The following ANLN variants were observed in gnomAD, a reference collection of about 807,000 sequenced individuals.
The protein encoded by ANLN is anillin, actin binding protein, also known as anillin.
Under a neutral mutation model 135.1 loss-of-function variants are expected in ANLN, and 59 were observed. The ratio of observed to expected loss-of-function variants is 0.44; its 90% CI spans 0.35 to 0.54. The LOEUF is 0.54. Ranked by LOEUF, ANLN falls within the 20% of genes least tolerant of loss-of-function variation. The probability of loss-of-function intolerance (pLI) is 0.00; values close to 1 mark genes in which losing one functional copy is unlikely to be tolerated. For synonymous variants in ANLN, 406 were observed against 456.4 expected, an observed-to-expected ratio of 0.89 and a Z score of 1.41; for missense variants, 1,182 against 1,340.0, an observed-to-expected ratio of 0.88 and a Z score of 1.84.
chr7:36,426,486 A>G (rs1034780539), intron 19 of ANLN, among the ~76,000 whole-genome samples: 7 of 151,828 alleles, frequency 4.6e-5, no homozygotes, highest in Admixed American at 3.9e-4. Flanking sequence ...ATCTTTTTCC[A>G]AAAGGAATTA....
chr7:36,438,651 C>T (rs575242998), intron 20 of ANLN, among the ~76,000 whole-genome samples: 12 of 152,248 alleles, frequency 7.9e-5, no homozygotes, highest in East Asian at 5.8e-4. Context: ...GGATTACAGG[C>T]GTGAACTACC....
Position 36,404,154 on chromosome 7 carries a change from G to A in ANLN, c.488-2027G>A, listed in dbSNP as rs111987788. On this transcript the variant is annotated intron_variant, in intron 3 of 23. Transcript: ENST00000265748. ...CCCGGCTAATCTTTGTATTTTAGTA[G>A]AGACAGGGTTTCACCATGTCACTTA... Among the ~76,000 whole-genome samples, 911 of 151,850 alleles carry A rather than the reference G, an allele frequency of 6.0e-3. 4 individuals are homozygous for A. Among genetic ancestry groups the A allele is most frequent in the Non-Finnish European group, 0.011 (764 of 67,954 alleles).
At chr7:36,404,275 T>C (rs1787096093) in intron 3 of ANLN, among the ~76,000 whole-genome samples, 1 of 152,180 alleles carries the variant, frequency 6.6e-6, no homozygotes, top group African/African-American at 2.4e-5. Flanking sequence ...CTTGCCAGTA[T>C]GTTTATTTCT....
intron 20 of ANLN, among the ~76,000 whole-genome samples, chr7:36,434,059 C>T (rs1168900526): frequency 6.6e-6 from 1 of 152,044 alleles, no homozygotes; most frequent in Non-Finnish European, 1.5e-5. Context: ...CCTACTTTTT[C>T]ACATGTCTTG....
At chr7:36,424,479 G>A (rs1460212427) in intron 15 of ANLN, 66 bp from the exon 16 acceptor site, 4 of 1,272,698 alleles carry the variant, frequency 3.1e-6, no homozygotes, top group Non-Finnish European at 4.4e-6. Flanking sequence ...AGTATTTGTA[G>A]CATCATTTTT....
intron 20 of ANLN, among the ~76,000 whole-genome samples, chr7:36,428,724 T>G (rs2116707149): frequency 6.6e-6 from 1 of 152,112 alleles, no homozygotes; most frequent in South Asian, 2.1e-4. Flanking sequence ...TTATTCAATA[T>G]TTTTGACCTG....
intron 7 of ANLN, among the ~76,000 whole-genome samples, chr7:36,413,056 G>T (rs893789529): frequency 6.6e-6 from 1 of 151,844 alleles, no homozygotes; most frequent in Non-Finnish European, 1.5e-5. Flanking sequence ...ACTGCCTATG[G>T]GAGTCTTCTC....
rs540521762 is a variant in ANLN, at chr7:36,432,088, G to A, written c.2883+5060G>A. On this transcript the variant is annotated intron_variant, in intron 20 of 23. Coordinates refer to ENST00000265748, the MANE Select transcript of ANLN (RefSeq NM_018685.5). ...TAAAAAAATATTAGCTGGGTGTGGTGGTACACACCTGTAGCCCTAGCTATT... is the reference window on the plus strand; with the variant it reads ...TAAAAAAATATTAGCTGGGTGTGGTAGTACACACCTGTAGCCCTAGCTATT... Among the ~76,000 whole-genome samples, 205 of 152,204 alleles carry A rather than the reference G, an allele frequency of 1.3e-3. 1 individual carries two copies. The highest frequency in any genetic ancestry group is 4.6e-3 in the African/African-American group (192 of 41,538).
At chr7:36,407,123 T>C (rs1025856035) in intron 4 of ANLN, among the ~76,000 whole-genome samples, 2 of 152,198 alleles carry the variant, frequency 1.3e-5, no homozygotes, top group African/African-American at 4.8e-5. Context: ...CTGACCATTG[T>C]CTTTTAGTGT....
intron 23 of ANLN, among the ~76,000 whole-genome samples, chr7:36,450,935 C>T (rs1583667700): frequency 6.6e-6 from 1 of 152,134 alleles, no homozygotes; most frequent in South Asian, 2.1e-4. Context: ...CGTAGACCTT[C>T]CCCTGTGATA....
intron 4 of ANLN, 129 bp downstream of exon 4, chr7:36,406,695 A>G: frequency 2.2e-6 from 2 of 910,356 alleles, no homozygotes; most frequent in East Asian, 2.8e-5. Context: ...GTGAGTTTAT[A>G]TGTATTTGTA....
intron 15 of ANLN, 67 bp downstream of exon 15, chr7:36,424,010 G>A: frequency 1.4e-6 from 2 of 1,478,164 alleles, no homozygotes; most frequent in Non-Finnish European, 9.1e-7. Flanking sequence ...ACAGTCTAAA[G>A]CATTCAGGTG....
At chr7:36,442,786 C>T (rs571599978) in intron 21 of ANLN, among the ~76,000 whole-genome samples, 1 of 152,114 alleles carries the variant, frequency 6.6e-6, no homozygotes, top group South Asian at 2.1e-4. Context: ...TGCTCACCGC[C>T]ACGCCTGGCT....
At chr7:36,426,384 T>C (rs1788078363) in intron 19 of ANLN, among the ~76,000 whole-genome samples, 1 of 152,212 alleles carries the variant, frequency 6.6e-6, no homozygotes, top group South Asian at 2.1e-4. Flanking sequence ...ATAACTGGCG[T>C]TGTATCATGT....
chr7:36,417,208 AT>A lies in ANLN; in HGVS notation c.1633+21del. Reference sequence around the variant, plus strand: ...GAAAATTGGTTGGTTTTTATTCTTTATTTATTATTAACTTTGCACATACTAT... The same window carrying A: ...GAAAATTGGTTGGTTTTTATTCTTTATTATTATTAACTTTGCACATACTAT... On this transcript the variant is annotated intron_variant, in intron 9 of 23. Transcript: ENST00000265748. The A allele has an allele frequency of 7.2e-7, 1 of 1,388,902 alleles. No homozygotes were observed. Among genetic ancestry groups the A allele is most frequent in the Non-Finnish European group, 1.0e-6 (1 of 993,800 alleles). 86.0% of individuals were successfully genotyped at this position (1,388,902 alleles called of 1,614,324 possible).
intron 1 of ANLN, among the ~76,000 whole-genome samples, chr7:36,392,707 G>A (rs541972697): frequency 2.0e-4 from 31 of 151,724 alleles, no homozygotes; most frequent in Non-Finnish European, 3.4e-4. Flanking sequence ...GGTGTTTATA[G>A]CTTTACTTCA....
chr7:36,415,815 T>C lies in ANLN; in HGVS notation c.1453T>C (p.Ser485Pro). 1.2e-6 allele frequency: 2 copies of C among 1,610,582 alleles called. No homozygotes were observed. Among genetic ancestry groups the C allele is most frequent in the South Asian group, 2.2e-5 (2 of 90,298 alleles). Residue 485 changes from serine (S) to proline (P), a missense_variant, in exon 8 of 24, where the codon TCA becomes CCA. Coordinates refer to ENST00000265748, the MANE Select transcript of ANLN (RefSeq NM_018685.5). ...ACACCAAGGTGTTTCAAAAACTCAG[T>C]CACTTCCAGTAACAGAAAAGGTGAC... The part of the protein sequence containing the change: ...KKHQGVSKTQ[S>P]LPVTEKVTEN...
At chr7:36,448,991 C>T (rs1454487363) in intron 22 of ANLN, 1 of 152,188 alleles carries the variant, frequency 6.6e-6, no homozygotes, top group African/African-American at 2.4e-5. Context: ...AACCAATCAA[C>T]AGAGGTTGTT....
intron 1 of ANLN, among the ~76,000 whole-genome samples, chr7:36,394,988 A>T (rs1327157110): frequency 1.3e-5 from 2 of 152,234 alleles, no homozygotes; most frequent in African/African-American, 4.8e-5. Flanking sequence ...ATTATATGTT[A>T]ATATTTAGTT....
Sources: allele counts gnomAD v4.1 joint callset (sites outside exome capture counted in the v4.1 genomes callset), GRCh38; gene constraint gnomAD v4.1.1; transcripts MANE v1.5; gene names NCBI Gene and HGNC (gene_info 2026-07-23, HGNC 2026-07-21).